FABP4: variants seen among roughly 807,000 people sequenced by gnomAD.
The protein encoded by FABP4 is fatty acid binding protein 4.
FABP4 carries 17 observed loss-of-function variants against 14.6 expected under a neutral mutation model. The observed-to-expected ratio is 1.16, with a 90% CI of 0.80 to 1.74. FABP4 has a LOEUF of 1.74. FABP4 is among the 40% of genes most tolerant of loss of function. The pLI is 0.00. For synonymous variants in FABP4, 54 were observed against 54.6 expected, an observed-to-expected ratio of 0.99 and a Z score of 0.05; for missense variants, 149 against 160.3, an observed-to-expected ratio of 0.93 and a Z score of 0.38.
At position 81,480,449 on chromosome 8, in the gene FABP4, T is replaced by C; in HGVS notation, c.223A>G (p.Thr75Ala). ...ACCTTGACTTTCCTGTCATCTGCAGTGACTTCGTCAAATTCCTGGCCCAGT... is the reference window on the plus strand; with the variant it reads ...ACCTTGACTTTCCTGTCATCTGCAGCGACTTCGTCAAATTCCTGGCCCAGT... ...FILGQEFDEVTADDRKVKSTI... is the reference protein window; with the variant it reads ...FILGQEFDEVAADDRKVKSTI... The change falls in exon 2 of 4, where the codon ACT (threonine) becomes GCT (alanine). Residue 75 changes from threonine (T) to alanine (A), a missense_variant. Physicochemically the swap from Thr to Ala is moderately conservative, Grantham distance 58. Transcript: ENST00000256104. 1 of 1,613,742 alleles carries C rather than the reference T, an allele frequency of 6.2e-7. No homozygotes were observed. Among genetic ancestry groups the C allele is most frequent in the South Asian group, 1.1e-5 (1 of 91,046 alleles).
At chr8:81,480,655 A>T in intron 1 of FABP4, 57 bp from the exon 2 acceptor site, 1 of 1,510,004 alleles carries the variant, frequency 6.6e-7, no homozygotes. Flanking sequence ...GTACTTATCC[A>T]AGTCAGAGAA....
At chr8:81,480,712 G>T in intron 1 of FABP4, 114 bp from the exon 2 acceptor site, 1 of 869,616 alleles carries the variant, frequency 1.1e-6, no homozygotes. Flanking sequence ...AAGGCACAGA[G>T]AGTTTCTTAA....
At chr8:81,479,560 G>T in intron 2 of FABP4, 45 bp from the exon 3 acceptor site, 1 of 1,444,866 alleles carries the variant, frequency 6.9e-7, no homozygotes, top group Non-Finnish European at 9.6e-7. Flanking sequence ...GAGGGAGGCA[G>T]AAAAAAATTT....
intron 1 of FABP4, among the ~76,000 whole-genome samples, chr8:81,482,049 G>C (rs1023069982): frequency 6.6e-6 from 1 of 152,004 alleles, no homozygotes; most frequent in Admixed American, 6.6e-5. Context: ...CTGCATCAGT[G>C]CATATTAATT....
chr8:81,478,987 T>C, intron 3 of FABP4, 72 bp from the exon 4 acceptor site: 1 of 1,299,192 alleles, frequency 7.7e-7, no homozygotes, highest in Non-Finnish European at 1.1e-6. Flanking sequence ...TCTCTGAATG[T>C]TGGGAATAAA....
intron 1 of FABP4, 76 bp from the exon 2 acceptor site, chr8:81,480,674 T>G: frequency 7.7e-7 from 1 of 1,290,620 alleles, no homozygotes; most frequent in South Asian, 1.7e-5. Context: ...AATGTGTGTG[T>G]GCACACAGGT....
At position 81,483,230 on chromosome 8, in the gene FABP4, C is replaced by A; in HGVS notation, c.-63G>T. 2.4e-6 allele frequency: 3 copies of A among 1,271,390 alleles called. No homozygotes were observed. Among genetic ancestry groups the A allele is most frequent in the Non-Finnish European group, 3.3e-6 (3 of 896,738 alleles). 78.8% of individuals were successfully genotyped at this position (1,271,390 alleles called of 1,614,324 possible). A position where few individuals can be genotyped will look rare whatever the true frequency, so the allele number is the denominator to read the frequency against. Reference sequence around the variant, plus strand: ...GGAAGCTGCAGTTTTCAGGAGGGTGCTGTGACCCTCTTGAGTCCAGATAAC... The same window carrying A: ...GGAAGCTGCAGTTTTCAGGAGGGTGATGTGACCCTCTTGAGTCCAGATAAC... On this transcript the variant is annotated 5_prime_UTR_variant, in exon 1 of 4. Transcript: ENST00000256104.
chr8:81,479,586 T>C (rs1157688765), intron 2 of FABP4, 71 bp from the exon 3 acceptor site: 1 of 1,032,142 alleles, frequency 9.7e-7, no homozygotes, highest in Admixed American at 1.9e-5. Context: ...AGAGTGCCTT[T>C]GTTCAAAGGA....
Position 81,479,582 on chromosome 8 carries a change from C to T in FABP4, c.247-67G>A, listed in dbSNP as rs796427439. On this transcript the variant is annotated intron_variant, in intron 2 of 3. Coordinates refer to ENST00000256104, the MANE Select transcript of FABP4 (RefSeq NM_001442.3). ...GCAGAAAAAAATTTAAAATAGAGTG[C>T]CTTTGTTCAAAGGAATATTTTGAGG... is the stretch of plus-strand genomic sequence containing the variant. 49 of 1,119,642 alleles carry T rather than the reference C, an allele frequency of 4.4e-5. No homozygotes were observed. The African/African-American group carries it at 5.4e-4, about 12-fold the overall frequency. 69.4% of individuals were successfully genotyped at this position (1,119,642 alleles called of 1,614,324 possible).
chr8:81,478,832 T>C lies in FABP4; in HGVS notation c.*33A>G. The stretch of plus-strand genomic sequence containing the variant: ...TCCCACAGAATGTTGTAGAGTTCAA[T>C]GCGAACTTCAGTCCAGGTCAACGTC... On this transcript the variant is annotated 3_prime_UTR_variant, in exon 4 of 4. Coordinates refer to ENST00000256104, the MANE Select transcript of FABP4 (RefSeq NM_001442.3). The C allele has an allele frequency of 5.0e-6, 8 of 1,594,634 alleles. No individual in the cohort carries two copies. The highest frequency in any genetic ancestry group is 6.9e-6 in the Non-Finnish European group (8 of 1,165,082).
At chr8:81,480,844 C>G (rs1808068829) in intron 1 of FABP4, among the ~76,000 whole-genome samples, 1 of 151,640 alleles carries the variant, frequency 6.6e-6, no homozygotes, top group African/African-American at 2.4e-5. Flanking sequence ...TAGGCCTATT[C>G]TTTAAACTTC....
At chr8:81,479,372 C>A in intron 3 of FABP4, 42 bp downstream of exon 3, 1 of 1,450,510 alleles carries the variant, frequency 6.9e-7, no homozygotes, top group Admixed American at 1.7e-5. Context: ...ATGAGATAAC[C>A]TAGCAGTAAG....
At position 81,478,996 on chromosome 8, in the gene FABP4, A is replaced by G. The variant is rs796505728; in HGVS notation, c.349-81T>C. On this transcript the variant is annotated intron_variant, in intron 3 of 3. Coordinates refer to ENST00000256104, the MANE Select transcript of FABP4 (RefSeq NM_001442.3). The stretch of plus-strand genomic sequence containing the variant: ...ATTGTCTCTCTGAATGTTGGGAATA[A>G]AACAATATTCATTCCAAAGATATTC... 2.5e-6 allele frequency: 3 copies of G among 1,182,556 alleles called. No individual in the cohort carries two copies. In the African/African-American group the frequency reaches 4.5e-5, roughly 18 times the overall value. The allele number at this position is 1,182,556 out of a possible 1,614,324, so 73.3% of individuals were successfully genotyped here.
At chr8:81,480,289 A>T in intron 2 of FABP4, 137 bp downstream of exon 2, 4 of 770,680 alleles carry the variant, frequency 5.2e-6, no homozygotes, top group Non-Finnish European at 8.1e-6. Flanking sequence ...CTAAGGAAAC[A>T]CAGTTTAGAT....
chr8:81,481,237 T>G (rs1485490605), intron 1 of FABP4, among the ~76,000 whole-genome samples: 1 of 152,202 alleles, frequency 6.6e-6, no homozygotes, highest in Non-Finnish European at 1.5e-5. Context: ...GGCAAAATGT[T>G]TCCTACATTT....
At chr8:81,481,642 A>G (rs960180163) in intron 1 of FABP4, among the ~76,000 whole-genome samples, 10 of 152,210 alleles carry the variant, frequency 6.6e-5, no homozygotes, top group African/African-American at 2.4e-4. Context: ...ATATGGCGCA[A>G]AATAAGTAAT....
rs1361053943 is a variant in FABP4 at position 81,478,601 on chromosome 8, C to T, written c.*264G>A. ...AAATATGTTATTATTCATATCAGAA[C>T]AAAGAAATAATGCAAATTTCCCATT... On this transcript the variant is annotated 3_prime_UTR_variant, in exon 4 of 4. Coordinates refer to ENST00000256104, the MANE Select transcript of FABP4 (RefSeq NM_001442.3). 2.8e-6 allele frequency: 1 copy of T among 357,074 alleles called. No homozygotes were observed. The highest frequency in any genetic ancestry group is 2.1e-5 in the African/African-American group (1 of 48,014). The allele number at this position is 357,074 out of a possible 1,614,324, so 22.1% of individuals were successfully genotyped here.
At chr8:81,482,795 AC>A (rs1808099487) in intron 1 of FABP4, among the ~76,000 whole-genome samples, 1 of 152,170 alleles carries the variant, frequency 6.6e-6, no homozygotes, top group Admixed American at 6.5e-5. Flanking sequence ...AGCTAAGTAA[AC>A]CAAGGATACC....
chr8:81,482,998 G>C, intron 1 of FABP4, 97 bp downstream of exon 1: 1 of 878,788 alleles, frequency 1.1e-6, no homozygotes, highest in Non-Finnish European at 1.7e-6. Flanking sequence ...TTCATTTCTG[G>C]CCAGGGCTTC....
Sources: allele counts gnomAD v4.1 joint callset (sites outside exome capture counted in the v4.1 genomes callset), GRCh38; gene constraint gnomAD v4.1.1; transcripts MANE v1.5; gene names NCBI Gene and HGNC (gene_info 2026-07-23, HGNC 2026-07-21).